KIR2DL1: variants seen among roughly 807,000 people sequenced by gnomAD.
KIR2DL1 encodes killer cell immunoglobulin-like receptor 2DL1.
KIR2DL1 carries 38 observed loss-of-function variants against 33.9 expected under a neutral mutation model. The observed-to-expected ratio is 1.12, with a 90% confidence interval of 0.86 to 1.47. The LOEUF is 1.47. KIR2DL1 is among the 40% of genes most tolerant of loss of function. The pLI is 0.00. For synonymous variants in KIR2DL1, 179 were observed against 165.9 expected (o/e 1.08, Z -0.61); for missense variants, 531 against 433.9 (o/e 1.22, Z -1.99).
intron 4 of KIR2DL1, among the ~76,000 whole-genome samples, chr19:54,775,753 C>A (rs2076255381): frequency 6.7e-6 from 1 of 148,762 alleles, no homozygotes; most frequent in South Asian, 2.1e-4. Flanking sequence ...TTCCCTCAGC[C>A]CCTCAACCTT....
At chr19:54,772,340 AG>A (rs1240360564) in intron 2 of KIR2DL1, among the ~76,000 whole-genome samples, 1 of 147,578 alleles carries the variant, frequency 6.8e-6, no homozygotes, top group Admixed American at 6.9e-5. Context: ...AGGCTGGAAA[AG>A]TCAAGGAACT....
Position 54,776,727 on chromosome 19 carries a change from G to T in KIR2DL1, c.664+1269G>T, listed in dbSNP as rs1342230323. Among the ~76,000 whole-genome samples, 4 of 142,714 alleles carry T rather than the reference G, an allele frequency of 2.8e-5. No homozygotes were observed. The East Asian group carries it at 5.9e-4, about 21-fold the overall frequency. The allele number at this position is 142,714 out of a possible 152,430, so 93.6% of individuals were successfully genotyped here. A position where few individuals can be genotyped will look rare whatever the true frequency, so the allele number is the denominator to read the frequency against. ...GCAACCTTGGCTCATTGCAACCTCC[G>T]CCTCCTGGGTTCAAATGATTTTCCT... On this transcript the variant is annotated intron_variant, in intron 4 of 7. Coordinates refer to ENST00000336077, the MANE Select transcript of KIR2DL1 (RefSeq NM_014218.3).
chr19:54,782,293 C>A (rs1230028568), intron 5 of KIR2DL1, among the ~76,000 whole-genome samples: 1 of 148,534 alleles, frequency 6.7e-6, no homozygotes, highest in Non-Finnish European at 1.5e-5. Flanking sequence ...TGTCTTAGGC[C>A]ATTTTTGTTG....
intron 4 of KIR2DL1, among the ~76,000 whole-genome samples, chr19:54,777,754 G>A (rs1416371348): frequency 2.0e-5 from 3 of 147,484 alleles, no homozygotes; most frequent in Admixed American, 6.9e-5. Flanking sequence ...TCAGACAAAC[G>A]TCCTGGAGCA....
At chr19:54,773,913 T>C (rs1015797097) in intron 3 of KIR2DL1, among the ~76,000 whole-genome samples, 2 of 148,492 alleles carry the variant, frequency 1.3e-5, no homozygotes, top group Admixed American at 6.8e-5. Flanking sequence ...GAGGTGTCCC[T>C]CCATGCTGAC....
At chr19:54,777,867 G>A (rs2076527372) in intron 4 of KIR2DL1, among the ~76,000 whole-genome samples, 1 of 147,670 alleles carries the variant, frequency 6.8e-6, no homozygotes. Context: ...AGGTAGAGTT[G>A]CAGTTTCATT....
intron 5 of KIR2DL1, among the ~76,000 whole-genome samples, chr19:54,781,729 C>G (rs1600859293): frequency 2.0e-5 from 3 of 152,094 alleles, no homozygotes; most frequent in Non-Finnish European, 4.4e-5. Context: ...TTCACACGGG[C>G]TTCAACACTA....
chr19:54,777,952 G>C (rs1383955773), intron 4 of KIR2DL1, among the ~76,000 whole-genome samples: 2 of 148,278 alleles, frequency 1.3e-5, no homozygotes, highest in Non-Finnish European at 3.0e-5. Flanking sequence ...GTGAGTTCTT[G>C]GCATCTTTGT....
Position 54,773,611 on chromosome 19 carries a change from C to A in KIR2DL1, c.349C>A (p.Pro117Thr). Residue 117 changes from proline to threonine, a missense_variant, in exon 3 of 8, where the codon CCT (proline) becomes ACT (threonine). Transcript: ENST00000336077. Reference protein sequence around the residue: ...SPYQVSAPSDPLDIVIIGLYE... With the variant: ...SPYQVSAPSDTLDIVIIGLYE... ...CTATCAGGTGTCAGCTCCCAGTGAC[C>A]CTCTGGACATCGTGATCATAGGTGA... 1 of 1,576,410 alleles carries A rather than the reference C, an allele frequency of 6.3e-7. No homozygotes were observed. The highest frequency in any genetic ancestry group is 1.4e-5 in the African/African-American group (1 of 73,860).
At chr19:54,781,193 A>T (rs1331483088) in intron 5 of KIR2DL1, among the ~76,000 whole-genome samples, 1 of 113,216 alleles carries the variant, frequency 8.8e-6, no homozygotes, top group African/African-American at 3.4e-5. Flanking sequence ...TAAAAATAAG[A>T]AATACATAAA....
At chr19:54,770,258 A>C (rs1402435294) in intron 1 of KIR2DL1, among the ~76,000 whole-genome samples, 7 of 134,530 alleles carry the variant, frequency 5.2e-5, no homozygotes, top group African/African-American at 2.0e-4. Context: ...CCTGAAGTGG[A>C]GACATGGGCC....
At chr19:54,775,729 G>C (rs1600764412) in intron 4 of KIR2DL1, among the ~76,000 whole-genome samples, 2 of 148,788 alleles carry the variant, frequency 1.3e-5, no homozygotes, top group Admixed American at 6.7e-5. Flanking sequence ...GGCTCAGTTT[G>C]GGGAGATCAG....
At position 54,783,498 on chromosome 19, in the gene KIR2DL1, T is replaced by C. The variant is rs1324321988; in HGVS notation, c.830T>C (p.Met277Thr). The C allele has an allele frequency of 4.3e-6, 7 of 1,613,448 alleles. No homozygotes were observed. The African/African-American group carries it at 5.3e-5, about 12-fold the overall frequency. Residue 277 changes from methionine to threonine, a missense_variant, in exon 7 of 8, where the codon ATG becomes ACG. Physicochemically the swap from Met to Thr is moderately conservative, Grantham distance 81. Coordinates refer to ENST00000336077, the MANE Select transcript of KIR2DL1 (RefSeq NM_014218.3). ...WCSNKKNAAV[M>T]DQESAGNRTA... ...CCATCTTCTACAGATGCTGCGGTAA[T>C]GGACCAAGAGTCTGCAGGAAACAGA... is the stretch of plus-strand genomic sequence containing the variant.
chr19:54,779,250 G>A lies in KIR2DL1; in HGVS notation c.715+588G>A, dbSNP rs1293460541. Among the ~76,000 whole-genome samples the A allele has an allele frequency of 8.1e-5, 12 of 148,328 alleles. 1 individual carries two copies. Among genetic ancestry groups the A allele is most frequent in the South Asian group, 2.1e-4 (1 of 4,716 alleles). On this transcript the variant is annotated intron_variant, in intron 5 of 7. Transcript: ENST00000336077. ...CAAGATTCGTGGGTGAAAACAAAAC[G>A]GTTTTTTAATTATCTTACAGTGCTG...
Position 54,772,325 on chromosome 19 carries a change from T to A in KIR2DL1, c.71-1008T>A, listed in dbSNP as rs527542076. On this transcript the variant is annotated intron_variant, in intron 2 of 7. Transcript: ENST00000336077. ...CCAGGAGCCATGAATGCAGGTGGCC[T>A]ATAGAGGCTGGAAAAGTCAAGGAAC... 4.1e-4 allele frequency among the ~76,000 whole-genome samples: 61 copies of A among 147,512 alleles called. 1 individual carries two copies. Among genetic ancestry groups the A allele is most frequent in the African/African-American group, 1.5e-3 (60 of 40,440 alleles).
At chr19:54,774,620 T>G (rs1320037427) in intron 3 of KIR2DL1, among the ~76,000 whole-genome samples, 3 of 147,108 alleles carry the variant, frequency 2.0e-5, no homozygotes, top group Non-Finnish European at 3.0e-5. Flanking sequence ...ATGATGATGA[T>G]GAAGACAGAT....
intron 5 of KIR2DL1, among the ~76,000 whole-genome samples, chr19:54,779,174 C>T (rs2076690702): frequency 1.3e-5 from 2 of 148,232 alleles, no homozygotes; most frequent in African/African-American, 4.9e-5. Context: ...GCCCCATGCT[C>T]AGGCTGTGCA....
chr19:54,776,950 G>C (rs1488684008), intron 4 of KIR2DL1, among the ~76,000 whole-genome samples: 2 of 149,312 alleles, frequency 1.3e-5, no homozygotes, highest in African/African-American at 2.5e-5. Context: ...CCTCTTTTTA[G>C]TTCTTTAAAG....
chr19:54,780,642 C>A (rs1486362044), intron 5 of KIR2DL1, among the ~76,000 whole-genome samples: 1 of 142,860 alleles, frequency 7.0e-6, no homozygotes, highest in African/African-American at 2.6e-5. Context: ...CAATTGCCGC[C>A]CCACTGGTGA....
Sources: gnomAD v4.1 joint callset for allele counts (sites outside exome capture counted in the v4.1 genomes callset) on GRCh38, gnomAD v4.1.1 for gene constraint, MANE v1.5 for transcripts, NCBI Gene and HGNC (gene_info 2026-07-23, HGNC 2026-07-21) for gene names.